The following PRMT7 variants were observed in gnomAD, a reference collection of about 807,000 sequenced individuals.
PRMT7 encodes the protein protein arginine methyltransferase 7.
A neutral mutation model predicts 85.4 loss-of-function variants in PRMT7; 75 were observed. The ratio of observed to expected loss-of-function variants is 0.88; its 90% CI spans 0.73 to 1.06. PRMT7 has a LOEUF of 1.06. Ranked by LOEUF, PRMT7 falls within the 50% of genes least tolerant of loss-of-function variation. PRMT7 has a pLI of 0.00. For synonymous variants in PRMT7, 397 were observed against 359.5 expected (o/e 1.10, Z -1.18); for missense variants, 868 against 915.2 (o/e 0.95, Z 0.67).
At chr16:68,355,997 C>T (rs1044134163) in intron 17 of PRMT7, 114 bp downstream of exon 17, 10 of 1,179,088 alleles carry the variant, frequency 8.5e-6, no homozygotes, top group African/African-American at 3.2e-5. Flanking sequence ...AGGGGGTATT[C>T]GTCCTCCCCA....
At position 68,334,730 on chromosome 16, in the gene PRMT7, C is replaced by G. The variant is rs1339644454; in HGVS notation, c.392-2729C>G. On this transcript the variant is annotated intron_variant, in intron 6 of 18. Coordinates refer to ENST00000441236, the MANE Select transcript of PRMT7 (RefSeq NM_019023.5). ...GCCCTTATACATTAGCAGTCACACTCAAAATACCAGGCCCTCAAGAAGTAC... is the reference window on the plus strand; with the variant it reads ...GCCCTTATACATTAGCAGTCACACTGAAAATACCAGGCCCTCAAGAAGTAC... 2.0e-5 allele frequency among the ~76,000 whole-genome samples: 3 copies of G among 152,150 alleles called. No homozygotes were observed. The East Asian group carries it at 5.8e-4, about 29-fold the overall frequency.
intron 5 of PRMT7, 119 bp downstream of exon 5, chr16:68,324,951 A>C (rs2082932662): frequency 6.0e-6 from 8 of 1,323,354 alleles, no homozygotes; most frequent in Non-Finnish European, 8.4e-6. Context: ...TGTGCCAAGC[A>C]CAGAGCCAGG....
intron 14 of PRMT7, 131 bp downstream of exon 14, chr16:68,348,562 G>A: frequency 1.9e-6 from 1 of 517,848 alleles, no homozygotes; most frequent in Non-Finnish European, 3.4e-6. Flanking sequence ...TACCTCCTAC[G>A]AGCTCCCACC....
At chr16:68,329,522 T>G (rs1259988398) in intron 6 of PRMT7, 1 of 171,946 alleles carries the variant, frequency 5.8e-6, no homozygotes, top group Non-Finnish European at 1.3e-5. Flanking sequence ...CTGCCACTGC[T>G]CAAAGCTCAA....
At chr16:68,337,008 C>T (rs1003687784) in intron 6 of PRMT7, among the ~76,000 whole-genome samples, 29 of 152,336 alleles carry the variant, frequency 1.9e-4, no homozygotes, top group Admixed American at 3.3e-4. Flanking sequence ...CTGCCTTGGC[C>T]TCCCAAAGTG....
At chr16:68,352,183 TC>T in intron 14 of PRMT7, 64 bp from the exon 15 acceptor site, 1 of 1,523,472 alleles carries the variant, frequency 6.6e-7, no homozygotes, top group Non-Finnish European at 8.9e-7. Flanking sequence ...GCTTCCGTGT[TC>T]CTGTTAACAC....
chr16:68,321,531 G>A (rs2151437681), intron 4 of PRMT7, 69 bp downstream of exon 4: 1 of 1,432,420 alleles, frequency 7.0e-7, no homozygotes, highest in Non-Finnish European at 9.7e-7. Flanking sequence ...AGAAGGTTAA[G>A]AATCCCTGGG....
At chr16:68,354,604 T>C (rs915735805) in intron 16 of PRMT7, 1 of 152,334 alleles carries the variant, frequency 6.6e-6, no homozygotes, top group African/African-American at 2.4e-5. Flanking sequence ...GACCATTGAC[T>C]GTTCGATGCT....
At chr16:68,321,876 T>G (rs892994446) in intron 4 of PRMT7, among the ~76,000 whole-genome samples, 5 of 152,170 alleles carry the variant, frequency 3.3e-5, no homozygotes, top group Admixed American at 6.6e-5. Flanking sequence ...CTCCACAACT[T>G]ATTCATCCTA....
intron 2 of PRMT7, among the ~76,000 whole-genome samples, chr16:68,313,556 A>T (rs562223927): frequency 8.9e-4 from 136 of 152,320 alleles, no homozygotes; most frequent in Middle Eastern, 3.4e-3. Flanking sequence ...CTCCTGCCTC[A>T]GCTGAATCCA....
chr16:68,336,897 C>T (rs910292179), intron 6 of PRMT7, among the ~76,000 whole-genome samples: 7 of 152,140 alleles, frequency 4.6e-5, no homozygotes, highest in South Asian at 2.1e-4. Context: ...GGGTTACAGG[C>T]GTGTGCCATC....
intron 16 of PRMT7, chr16:68,355,502 A>G (rs1056735725): frequency 1.9e-5 from 8 of 429,158 alleles, no homozygotes; most frequent in Non-Finnish European, 3.2e-5. Context: ...CCCATCTTAA[A>G]AATCCGGAGA....
At chr16:68,338,747 GT>G (rs2085075414) in intron 7 of PRMT7, among the ~76,000 whole-genome samples, 1 of 151,998 alleles carries the variant, frequency 6.6e-6, no homozygotes, top group Non-Finnish European at 1.5e-5. Flanking sequence ...TGGTGTCCTG[GT>G]GGTGAAAGCC....
intron 14 of PRMT7, among the ~76,000 whole-genome samples, chr16:68,349,966 C>A (rs2087034803): frequency 6.6e-6 from 1 of 152,214 alleles, no homozygotes; most frequent in South Asian, 2.1e-4. Context: ...TGATAGTCTG[C>A]ATCCCCATGC....
chr16:68,357,197 G>A lies in PRMT7; in HGVS notation c.2052G>A (p.Glu684=). 5 of 1,613,668 alleles carry A rather than the reference G, an allele frequency of 3.1e-6. No homozygotes were observed. The highest frequency in any genetic ancestry group is 4.2e-6 in the Non-Finnish European group (5 of 1,179,816). The part of the protein sequence containing the change: ...FHPDTGDIIM[E]FRHADTPD ...CCGACACAGGCGACATCATCATGGA[G>A]TTCAGGCATGCAGATACCCCAGACT... Residue 684 remains glutamate, a synonymous_variant, in exon 19 of 19, where the codon GAG becomes GAA. Coordinates refer to ENST00000441236, the MANE Select transcript of PRMT7 (RefSeq NM_019023.5).
chr16:68,324,695 T>C lies in PRMT7; in HGVS notation c.145T>C (p.Tyr49His), dbSNP rs751659866. ...ATGTCTTCCTTAGAATGTAAAATAC[T>C]ACCAAGGTATCCGGGCTGCCGTGAG... ...LHDKDRNVKY[Y>H]QGIRAAVSRV... The change falls in exon 5 of 19, where the codon TAC becomes CAC. Residue 49 changes from tyrosine to histidine, a missense_variant. Transcript: ENST00000441236. The C allele has an allele frequency of 2.7e-5, 43 of 1,614,228 alleles. No homozygotes were observed. The highest frequency in any genetic ancestry group is 3.6e-5 in the Non-Finnish European group (43 of 1,180,016).
Position 68,316,489 on chromosome 16 carries a change from G to C in PRMT7, c.95+415G>C, listed in dbSNP as rs545959809. ...TTAAAAGTATGTGAGTTGTTGGCCA[G>C]GCGCAGTGGCTCACGCCTCTAATCC... is the stretch of plus-strand genomic sequence containing the variant. On this transcript the variant is annotated intron_variant, in intron 3 of 18. Transcript: ENST00000441236. 1.1e-4 allele frequency among the ~76,000 whole-genome samples: 16 copies of C among 152,286 alleles called. No individual in the cohort carries two copies. In the South Asian group the frequency reaches 3.3e-3, roughly 32 times the overall value.
chr16:68,343,348 C>T (rs1169684146), intron 9 of PRMT7, among the ~76,000 whole-genome samples: 1 of 152,128 alleles, frequency 6.6e-6, no homozygotes, highest in East Asian at 1.9e-4. Context: ...GGGATTGGAG[C>T]GGGGCCTTGT....
chr16:68,337,831 G>A (rs938961868), intron 7 of PRMT7, among the ~76,000 whole-genome samples: 1 of 152,218 alleles, frequency 6.6e-6, no homozygotes, highest in African/African-American at 2.4e-5. Flanking sequence ...TCTCAGGAAG[G>A]CGATGCTTGA....
Sources: gnomAD v4.1 joint callset for allele counts (sites outside exome capture counted in the v4.1 genomes callset) on GRCh38, gnomAD v4.1.1 for gene constraint, MANE v1.5 for transcripts, NCBI Gene and HGNC (gene_info 2026-07-23, HGNC 2026-07-21) for gene names.